The following SAMD12 variants were observed in gnomAD, a reference collection of about 807,000 sequenced individuals.
SAMD12 encodes sterile alpha motif domain-containing protein 12.
SAMD12 carries 9 observed loss-of-function variants against 15.0 expected under a neutral mutation model. The ratio of observed to expected loss-of-function variants is 0.60; its 90% CI spans 0.36 to 1.05. The LOEUF (loss-of-function observed/expected upper bound fraction) is 1.05, where lower values mean the gene tolerates loss of function less well. Among genes scored for constraint, SAMD12 ranks in the 50% least tolerant of loss-of-function variants. The pLI is 0.01. For synonymous variants in SAMD12, 86 were observed against 90.1 expected (o/e 0.96, Z 0.25); for missense variants, 230 against 234.2 (o/e 0.98, Z 0.12).
At position 118,416,334 on chromosome 8, in the gene SAMD12, G is replaced by C. The variant is rs144619145; in HGVS notation, c.322+23498C>G. Among the ~76,000 whole-genome samples, 151 of 152,290 alleles carry C rather than the reference G, an allele frequency of 9.9e-4. 1 individual carries two copies. The East Asian group carries it at 0.028, about 28-fold the overall frequency. On this transcript the variant is annotated intron_variant, in intron 3 of 3. Coordinates refer to ENST00000314727, the MANE Select transcript of SAMD12 (RefSeq NM_207506.3). ...CAATAAGTTAATTGGACCTGGGAAA[G>C]AATTTAGGCTAACAGGCATCAACTC...
rs1824576976 is a variant in SAMD12, at chr8:118,495,274, A to T, written c.193-55313T>A. 2.0e-5 allele frequency among the ~76,000 whole-genome samples: 3 copies of T among 152,208 alleles called. No individual in the cohort carries two copies. The South Asian group carries it at 6.2e-4, about 31-fold the overall frequency. Reference sequence around the variant, plus strand: ...AATAGGACTGACTTGAATCTTGGACATTAAGCAAGCCACAGCACATGAGTC... The same window carrying T: ...AATAGGACTGACTTGAATCTTGGACTTTAAGCAAGCCACAGCACATGAGTC... On this transcript the variant is annotated intron_variant, in intron 2 of 3. Transcript: ENST00000314727.
chr8:118,551,788 A>G (rs1428623140), intron 2 of SAMD12, among the ~76,000 whole-genome samples: 4 of 151,910 alleles, frequency 2.6e-5, no homozygotes, highest in Non-Finnish European at 5.9e-5. Flanking sequence ...AGCAAGACTA[A>G]TAAAGAAAAA....
chr8:118,220,516 AT>A (rs1225556907), intron 4 of SAMD12, among the ~76,000 whole-genome samples: 1 of 152,200 alleles, frequency 6.6e-6, no homozygotes, highest in Non-Finnish European at 1.5e-5. Flanking sequence ...CTTCCCAAGA[AT>A]TTAGTTAATC....
chr8:118,216,629 C>T (rs1036958371), intron 4 of SAMD12, among the ~76,000 whole-genome samples: 10 of 152,124 alleles, frequency 6.6e-5, no homozygotes, highest in African/African-American at 2.4e-4. Flanking sequence ...ATATCAATTA[C>T]TAGTAGTTGG....
At chr8:118,444,691 A>C (rs1314607748) in intron 2 of SAMD12, among the ~76,000 whole-genome samples, 2 of 152,228 alleles carry the variant, frequency 1.3e-5, no homozygotes, top group Non-Finnish European at 2.9e-5. Flanking sequence ...CTTTTCTGCT[A>C]AGTAACAGAA....
rs570343330 is a variant in SAMD12 at position 118,444,879 on chromosome 8, T to C, written c.193-4918A>G. Among the ~76,000 whole-genome samples, 494 of 152,348 alleles carry C rather than the reference T, an allele frequency of 3.2e-3. 4 individuals carry two copies. Among genetic ancestry groups the C allele is most frequent in the Non-Finnish European group, 3.2e-3 (215 of 68,032 alleles). On this transcript the variant is annotated intron_variant, in intron 2 of 3. Transcript: ENST00000314727. ...GAACACTGCAATTGTAAGATCCCAA[T>C]GGTTGTACAAACTCTTAACTAGGTG...
At chr8:118,498,407 G>A (rs1824687840) in intron 2 of SAMD12, among the ~76,000 whole-genome samples, 1 of 152,198 alleles carries the variant, frequency 6.6e-6, no homozygotes, top group Non-Finnish European at 1.5e-5. Context: ...CTGCTTGTTG[G>A]CATGTTATGC....
intron 1 of SAMD12, among the ~76,000 whole-genome samples, chr8:118,587,530 C>T (rs1827483934): frequency 1.3e-5 from 2 of 152,184 alleles, no homozygotes. Flanking sequence ...CAGATTCCTC[C>T]CTAGGGCACA....
exon 5 of SAMD12, chr8:118,191,809 TATAGAGAG>T (rs1563686645): frequency 2.5e-3 from 30 of 11,912 alleles, no homozygotes; most frequent in African/African-American, 6.5e-3. Flanking sequence ...TATATATATA[TATAGAGAG>T]AGAGAGAGAG....
At chr8:118,355,911 G>A (rs911681696) in intron 4 of SAMD12, among the ~76,000 whole-genome samples, 2 of 152,194 alleles carry the variant, frequency 1.3e-5, no homozygotes, top group Admixed American at 6.5e-5. Flanking sequence ...TAATGGAAGT[G>A]ATACAGCTGT....
chr8:118,585,008 T>G (rs1827401407), intron 1 of SAMD12, among the ~76,000 whole-genome samples: 1 of 152,150 alleles, frequency 6.6e-6, no homozygotes, highest in Non-Finnish European at 1.5e-5. Context: ...TATGCTCATG[T>G]ACATAGCAGC....
chr8:118,513,474 T>C (rs1041165967), intron 2 of SAMD12, among the ~76,000 whole-genome samples: 2 of 152,028 alleles, frequency 1.3e-5, no homozygotes, highest in Non-Finnish European at 2.9e-5. Context: ...CCACCTACCC[T>C]CCCAAAGAAA....
chr8:118,541,586 A>G (rs1187147265), intron 2 of SAMD12, among the ~76,000 whole-genome samples: 1 of 152,170 alleles, frequency 6.6e-6, no homozygotes, highest in Non-Finnish European at 1.5e-5. Context: ...TTCCAATAAA[A>G]CTTTATTTAT....
chr8:118,269,860 A>G (rs1480742946), intron 4 of SAMD12, among the ~76,000 whole-genome samples: 1 of 152,148 alleles, frequency 6.6e-6, no homozygotes, highest in Non-Finnish European at 1.5e-5. Flanking sequence ...CTTTGTGTAC[A>G]GATCTGGATC....
At chr8:118,406,440 A>T (rs186566724) in intron 3 of SAMD12, among the ~76,000 whole-genome samples, 171 of 151,904 alleles carry the variant, frequency 1.1e-3, no homozygotes, top group African/African-American at 4.0e-3. Flanking sequence ...CACCTGGCTA[A>T]TTTTTGTATT....
the SAMD12 span, among the ~76,000 whole-genome samples, chr8:118,138,780 C>G: frequency 1.3e-5 from 2 of 152,216 alleles, no homozygotes; most frequent in Non-Finnish European, 2.9e-5. Flanking sequence ...TCTCTTGCAG[C>G]TGGCACCCAG....
intron 4 of SAMD12, among the ~76,000 whole-genome samples, chr8:118,325,359 A>C (rs1413682596): frequency 6.6e-6 from 1 of 152,200 alleles, no homozygotes; most frequent in Non-Finnish European, 1.5e-5. Flanking sequence ...AGGAGAACTA[A>C]GGAAGAAACG....
At chr8:118,417,910 G>T (rs1325270932) in intron 3 of SAMD12, among the ~76,000 whole-genome samples, 2 of 152,138 alleles carry the variant, frequency 1.3e-5, no homozygotes, top group Non-Finnish European at 2.9e-5. Context: ...TGAGAGGTTG[G>T]TTTTCTATTA....
At chr8:118,328,885 A>G (rs1816682725) in intron 4 of SAMD12, among the ~76,000 whole-genome samples, 1 of 152,178 alleles carries the variant, frequency 6.6e-6, no homozygotes, top group Non-Finnish European at 1.5e-5. Context: ...AAGGTCTCAC[A>G]TGAAAGCAAG....
Sources: gnomAD v4.1 joint callset for allele counts (sites outside exome capture counted in the v4.1 genomes callset) on GRCh38, gnomAD v4.1.1 for gene constraint, MANE v1.5 for transcripts, NCBI Gene and HGNC (gene_info 2026-07-23, HGNC 2026-07-21) for gene names.